ADAMTS20: variants seen among roughly 807,000 people sequenced by gnomAD.
ADAMTS20 encodes the protein A disintegrin and metalloproteinase with thrombospondin motifs 20.
ADAMTS20 carries 225 observed loss-of-function variants against 260.1 expected under a neutral mutation model. The ratio of observed to expected loss-of-function variants is 0.87; its 90% CI spans 0.78 to 0.97. The LOEUF is 0.97. Ranked by LOEUF, ADAMTS20 falls within the 50% of genes least tolerant of loss-of-function variation. The pLI, the probability that ADAMTS20 is intolerant of heterozygous loss-of-function variation, is 0.00. For missense variants in ADAMTS20, 2,400 were observed against 2,337.7 expected (o/e 1.03, Z -0.55); for synonymous variants, 802 against 769.5 (o/e 1.04, Z -0.70).
In ADAMTS20 at chr12:43,418,372, C is replaced by T. The variant is rs182156793; in HGVS notation, c.4284+7142G>A. On this transcript the variant is annotated intron_variant, in intron 28 of 38. Transcript: ENST00000389420. The stretch of plus-strand genomic sequence containing the variant: ...GTCGCCAGGCTGGAGTGCAATGGCG[C>T]TATCTTGGCTCACTGCAACCTCCGC... Among the ~76,000 whole-genome samples the T allele has an allele frequency of 1.1e-4, 16 of 152,232 alleles. No individual in the cohort carries two copies. The East Asian group carries it at 1.9e-3, about 18-fold the overall frequency.
intron 7 of ADAMTS20, among the ~76,000 whole-genome samples, chr12:43,487,483 A>G (rs1009985468): frequency 6.6e-6 from 1 of 152,188 alleles, no homozygotes; most frequent in African/African-American, 2.4e-5. Context: ...TACAATGTAC[A>G]CTACTCAAGT....
chr12:43,372,487 T>C (rs1940128508), intron 36 of ADAMTS20, among the ~76,000 whole-genome samples: 1 of 152,104 alleles, frequency 6.6e-6, no homozygotes, highest in Admixed American at 6.5e-5. Flanking sequence ...GGAAAGAGAA[T>C]TGGAGAGTGC....
At chr12:43,501,183 C>T (rs1383393038) in intron 4 of ADAMTS20, among the ~76,000 whole-genome samples, 4 of 150,990 alleles carry the variant, frequency 2.6e-5, no homozygotes, top group Admixed American at 6.6e-5. Context: ...CACAGCCTCC[C>T]GAGTAGCTGG....
rs11838064 is a variant in ADAMTS20 at position 43,525,636 on chromosome 12, T to A, written c.613+6400A>T. The stretch of plus-strand genomic sequence containing the variant: ...ATCTACTGTCTTCAAGAGACTCACC[T>A]AACACAAGGATTCATATAAACTCAA... On this transcript the variant is annotated intron_variant, in intron 3 of 38. Coordinates refer to ENST00000389420, the MANE Select transcript of ADAMTS20 (RefSeq NM_025003.5). Among the ~76,000 whole-genome samples, 216 of 152,238 alleles carry A rather than the reference T, an allele frequency of 1.4e-3. 1 individual carries two copies. Among genetic ancestry groups the A allele is most frequent in the African/African-American group, 5.0e-3 (207 of 41,530 alleles).
chr12:43,539,732 G>T (rs2137518716), intron 2 of ADAMTS20, among the ~76,000 whole-genome samples: 1 of 152,212 alleles, frequency 6.6e-6, no homozygotes, highest in Admixed American at 6.5e-5. Flanking sequence ...TTTTTAAAAA[G>T]CATGCTGAAG....
Position 43,452,505 on chromosome 12 carries a change from T to A in ADAMTS20, c.1942+9A>T, listed in dbSNP as rs970979200. 6.2e-7 allele frequency: 1 copy of A among 1,609,194 alleles called. No homozygotes were observed. ...AATTTACATCAAAGAACCAGCATAA[T>A]TTACTTACTGCCACTGTATCTTGGA... On this transcript the variant is annotated intron_variant, in intron 13 of 38. Transcript: ENST00000389420.
Position 43,376,521 on chromosome 12 carries a change from TAC to T in ADAMTS20, c.5125+1_5125+2del, listed in dbSNP as rs1940232632. 1 of 1,610,454 alleles carries T rather than the reference TAC, an allele frequency of 6.2e-7. No homozygotes were observed. The highest frequency in any genetic ancestry group is 8.5e-7 in the Non-Finnish European group (1 of 1,178,990). ...TATTAGATTTTTGAAGTCTACTACT[TAC>T]AGTCATTGGCATAACATTTCTTTTG... is the stretch of plus-strand genomic sequence containing the variant. On this transcript the variant is annotated splice_donor_variant, in intron 33 of 38. Transcript: ENST00000389420. LOFTEE classifies it high-confidence loss of function.
chr12:43,406,192 G>T (rs1466546649), intron 28 of ADAMTS20, among the ~76,000 whole-genome samples: 1 of 152,148 alleles, frequency 6.6e-6, no homozygotes, highest in Non-Finnish European at 1.5e-5. Flanking sequence ...ATAATCAGAT[G>T]TTGGAGTGTC....
intron 3 of ADAMTS20, among the ~76,000 whole-genome samples, chr12:43,504,064 G>C (rs1467991568): frequency 6.6e-6 from 1 of 151,904 alleles, no homozygotes; most frequent in African/African-American, 2.4e-5. Context: ...ATATTCCTTT[G>C]GGTATATGCC....
Position 43,427,307 on chromosome 12 carries a change from C to T in ADAMTS20, c.4107+1G>A. On this transcript the variant is annotated splice_donor_variant, in intron 27 of 38. Transcript: ENST00000389420. LOFTEE classifies it high-confidence loss of function. ...CAAGTTTAGAAAATATTATGACTTA[C>T]TTCTCCCCAATTTCCGTAGTTCCAC... The T allele has an allele frequency of 6.2e-7, 1 of 1,611,062 alleles. No individual in the cohort carries two copies.
chr12:43,423,879 A>C, intron 28 of ADAMTS20: 1 of 728,800 alleles, frequency 1.4e-6, no homozygotes, highest in Non-Finnish European at 2.5e-6. Context: ...ATTAGTTCCC[A>C]CAAGATGATG....
intron 7 of ADAMTS20, among the ~76,000 whole-genome samples, chr12:43,474,634 A>G (rs1302945725): frequency 7.3e-5 from 8 of 110,024 alleles, no homozygotes; most frequent in African/African-American, 2.8e-4. Context: ...CAAAAAGCTT[A>G]TCCACCATGA....
chr12:43,369,053 G>T (rs539995224), intron 37 of ADAMTS20, among the ~76,000 whole-genome samples: 1 of 152,114 alleles, frequency 6.6e-6, no homozygotes, highest in South Asian at 2.1e-4. Context: ...AACACATTAT[G>T]GAAGAAGAAA....
At position 43,551,397 on chromosome 12, in the gene ADAMTS20, A is replaced by C; in HGVS notation, c.92-127T>G. ...GTACAGCCAGGGGCAAGACAAATGC[A>C]CACATGCTGATGCGCACGCACACAC... On this transcript the variant is annotated intron_variant, in intron 1 of 38. Coordinates refer to ENST00000389420, the MANE Select transcript of ADAMTS20 (RefSeq NM_025003.5). The surrounding 1 kb of genome is among the most constrained non-coding windows in gnomAD (Gnocchi z 4.6). 1 of 1,342,018 alleles carries C rather than the reference A, an allele frequency of 7.5e-7. No individual in the cohort carries two copies. Among genetic ancestry groups the C allele is most frequent in the Non-Finnish European group, 1.0e-6 (1 of 1,004,446 alleles). The allele number at this position is 1,342,018 out of a possible 1,614,324, so 83.1% of individuals were successfully genotyped here.
chr12:43,536,199 G>A (rs1416808376), intron 2 of ADAMTS20, among the ~76,000 whole-genome samples: 1 of 152,072 alleles, frequency 6.6e-6, no homozygotes, highest in Admixed American at 6.6e-5. Flanking sequence ...GGAAAAGAGA[G>A]GTTAAGTCAC....
chr12:43,372,142 A>T (rs987758554), intron 36 of ADAMTS20, among the ~76,000 whole-genome samples: 1 of 152,188 alleles, frequency 6.6e-6, no homozygotes, highest in Non-Finnish European at 1.5e-5. Flanking sequence ...TGCATTTGGG[A>T]CTGTCATTTA....
intron 31 of ADAMTS20, among the ~76,000 whole-genome samples, chr12:43,382,668 T>A (rs2137224430): frequency 6.6e-6 from 1 of 151,884 alleles, no homozygotes; most frequent in South Asian, 2.1e-4. Flanking sequence ...AGATAATTTT[T>A]AAAAAAATTC....
At position 43,492,544 on chromosome 12, in the gene ADAMTS20, A is replaced by C; in HGVS notation, c.1037T>G (p.Val346Gly). 1.2e-6 allele frequency: 2 copies of C among 1,613,878 alleles called. No homozygotes were observed. The highest frequency in any genetic ancestry group is 1.7e-6 in the Non-Finnish European group (2 of 1,179,830). Residue 346 changes from valine (V) to glycine (G), a missense_variant, in exon 6 of 39, where the codon GTT becomes GGT. Val to Gly is a moderately radical substitution (Grantham distance 109). Coordinates refer to ENST00000389420, the MANE Select transcript of ADAMTS20 (RefSeq NM_025003.5). ...AGCAGTGTCATGGTGGGAAGGGTGA[A>C]CATCATCAAGGTCATTCTGAGTTTG... Reference protein sequence around the residue: ...WQQTQNDLDDVHPSHHDTAVL... With the variant: ...WQQTQNDLDDGHPSHHDTAVL...
chr12:43,523,460 G>T (rs932358372), intron 3 of ADAMTS20, among the ~76,000 whole-genome samples: 1 of 152,126 alleles, frequency 6.6e-6, no homozygotes, highest in Non-Finnish European at 1.5e-5. Context: ...AGAACCAGGT[G>T]GGGGTGGGGG....
Sources: gnomAD v4.1 joint callset for allele counts (sites outside exome capture counted in the v4.1 genomes callset) on GRCh38, gnomAD v4.1.1 for gene constraint, Gnocchi (gnomAD v3.1) non-coding constraint, MANE v1.5 for transcripts, NCBI Gene and HGNC (gene_info 2026-07-23, HGNC 2026-07-21) for gene names.